The following ARHGAP17 variants were observed in gnomAD, a reference collection of about 807,000 sequenced individuals.
The protein encoded by ARHGAP17 is rho GTPase-activating protein 17.
ARHGAP17 carries 57 observed loss-of-function variants against 99.5 expected under a neutral mutation model. The ratio of observed to expected loss-of-function variants is 0.57; its 90% confidence interval spans 0.46 to 0.71. The LOEUF (loss-of-function observed/expected upper bound fraction) is 0.71. ARHGAP17 is among the 30% of genes least tolerant of loss of function. The pLI is 0.00. For synonymous variants in ARHGAP17, 417 were observed against 429.6 expected (o/e 0.97, Z 0.36); for missense variants, 1,000 against 1,122.4 (o/e 0.89, Z 1.56).
At chr16:24,920,527 GA>G in intron 19 of ARHGAP17, 1 of 362,124 alleles carries the variant, frequency 2.8e-6, no homozygotes, top group South Asian at 3.1e-5. Flanking sequence ...GCTTTTAAAG[GA>G]TTTGCTTGCT....
At position 24,938,361 on chromosome 16, in the gene ARHGAP17, CA is replaced by C. The variant is rs372920876; in HGVS notation, c.1724+1002del. ...CCTAGGCGACAGAGTGGGACTGTCT[CA>C]AAAAAAAAAACCTCAAGTTCAAGGT... is the stretch of plus-strand genomic sequence containing the variant. On this transcript the variant is annotated intron_variant, in intron 17 of 19. Coordinates refer to ENST00000289968, the MANE Select transcript of ARHGAP17 (RefSeq NM_001006634.3). 2.4e-4 allele frequency among the ~76,000 whole-genome samples: 34 copies of C among 142,314 alleles called. No homozygotes were observed. In the East Asian group the frequency reaches 3.6e-3, roughly 15 times the overall value. 93.4% of individuals were successfully genotyped at this position (142,314 alleles called of 152,430 possible). A position where few individuals can be genotyped will look rare whatever the true frequency, so the allele number is the denominator to read the frequency against.
intron 7 of ARHGAP17, among the ~76,000 whole-genome samples, chr16:24,960,370 C>T (rs966783786): frequency 6.7e-6 from 1 of 149,940 alleles, no homozygotes; most frequent in South Asian, 2.1e-4. Context: ...CATGGTGAAA[C>T]CCCGTCTCTA....
intron 18 of ARHGAP17, among the ~76,000 whole-genome samples, chr16:24,932,542 C>T (rs1304189150): frequency 6.6e-6 from 1 of 152,080 alleles, no homozygotes; most frequent in East Asian, 1.9e-4. Flanking sequence ...GATCCCAAGC[C>T]ACCTTCTCCT....
At chr16:24,970,779 T>G in intron 3 of ARHGAP17, among the ~76,000 whole-genome samples, 199 bp from the exon 4 acceptor site, 1 of 152,222 alleles carries the variant, frequency 6.6e-6, no homozygotes, top group East Asian at 1.9e-4. Context: ...ATCTGTTGAC[T>G]AAAGAAAACA....
At chr16:24,958,663 C>T (rs1320906404) in intron 9 of ARHGAP17, among the ~76,000 whole-genome samples, 1 of 152,140 alleles carries the variant, frequency 6.6e-6, no homozygotes, top group Non-Finnish European at 1.5e-5. Flanking sequence ...AGGCACAAAG[C>T]CAGAACCTGT....
intron 18 of ARHGAP17, among the ~76,000 whole-genome samples, chr16:24,933,134 C>T (rs1330479770): frequency 1.3e-5 from 2 of 152,022 alleles, no homozygotes; most frequent in Non-Finnish European, 2.9e-5. Context: ...GACATGTGGA[C>T]TCCCTGAATG....
At chr16:25,015,012 G>A (rs915238461) in intron 1 of ARHGAP17, among the ~76,000 whole-genome samples, 197 bp downstream of exon 1, 1 of 151,528 alleles carries the variant, frequency 6.6e-6, no homozygotes, top group East Asian at 1.9e-4. Context: ...GCGGCGCTGA[G>A]AGACAGGCGG....
At position 24,927,027 on chromosome 16, in the gene ARHGAP17, T is replaced by G. The variant is rs555105297; in HGVS notation, c.2515+3757A>C. Among the ~76,000 whole-genome samples the G allele has an allele frequency of 5.3e-5, 8 of 152,160 alleles. No individual in the cohort carries two copies. The South Asian group carries it at 1.7e-3, about 32-fold the overall frequency. On this transcript the variant is annotated intron_variant, in intron 19 of 19. Transcript: ENST00000289968. Reference sequence around the variant, plus strand: ...GGCTCACACCTATAATCCCAGCACTTTGGGAGGCTGAGGAGGCCGGATCAC... The same window carrying G: ...GGCTCACACCTATAATCCCAGCACTGTGGGAGGCTGAGGAGGCCGGATCAC...
rs768553997 is a variant in ARHGAP17 at position 24,930,930 on chromosome 16, T to C, written c.2369A>G (p.His790Arg). The part of the protein sequence containing the change: ...AGGNPETAQP[H>R]AGTLPRPRPV... ...TCTCGGTCTCGGTAAGGTTCCAGCATGTGGCTGTGCAGTTTCAGGGTTACC... is the reference window on the plus strand; with the variant it reads ...TCTCGGTCTCGGTAAGGTTCCAGCACGTGGCTGTGCAGTTTCAGGGTTACC... Residue 790 changes from histidine (H) to arginine (R), a missense_variant, in exon 19 of 20, where the codon CAT (histidine) becomes CGT (arginine). By Grantham distance (29) the His-to-Arg change is conservative (BLOSUM62 0). This residue lies in a region of ARHGAP17 where 528 missense variants were observed against 511.4 expected (regional missense o/e 1.03). Coordinates refer to ENST00000289968, the MANE Select transcript of ARHGAP17 (RefSeq NM_001006634.3). The C allele has an allele frequency of 4.1e-5, 66 of 1,613,748 alleles. No individual in the cohort carries two copies. Among genetic ancestry groups the C allele is most frequent in the Non-Finnish European group, 5.4e-5 (64 of 1,179,932 alleles).
chr16:24,994,146 C>T (rs180754116), intron 1 of ARHGAP17, among the ~76,000 whole-genome samples: 40 of 152,152 alleles, frequency 2.6e-4, no homozygotes, highest in African/African-American at 8.7e-4. Flanking sequence ...AAAGTCAGGG[C>T]GAGGCAGTTT....
chr16:24,979,046 A>T, intron 1 of ARHGAP17, 41 bp from the exon 2 acceptor site: 1 of 1,397,552 alleles, frequency 7.2e-7, no homozygotes, highest in Admixed American at 2.2e-5. Flanking sequence ...AAATCCAAAA[A>T]TGAAAGGCAA....
intron 3 of ARHGAP17, among the ~76,000 whole-genome samples, chr16:24,972,847 G>A (rs982039683): frequency 3.9e-5 from 6 of 152,112 alleles, no homozygotes; most frequent in African/African-American, 1.4e-4. Flanking sequence ...CTTAACATAT[G>A]GGCTCATTAA....
intron 7 of ARHGAP17, among the ~76,000 whole-genome samples, chr16:24,960,741 C>T (rs1477417223): frequency 4.2e-5 from 6 of 142,804 alleles, no homozygotes; most frequent in Admixed American, 7.1e-5. Context: ...GGTGTGAACC[C>T]GGGAGGCAGA....
At chr16:24,975,142 G>A (rs1273489306) in intron 3 of ARHGAP17, among the ~76,000 whole-genome samples, 2 of 152,194 alleles carry the variant, frequency 1.3e-5, no homozygotes, top group South Asian at 2.1e-4. Flanking sequence ...AACAGAGTGA[G>A]ACCCTGTCTT....
At chr16:24,984,860 T>C (rs1382352031) in intron 1 of ARHGAP17, among the ~76,000 whole-genome samples, 1 of 152,006 alleles carries the variant, frequency 6.6e-6, no homozygotes, top group Non-Finnish European at 1.5e-5. Flanking sequence ...GTTAATCTTT[T>C]TATAAAATGG....
At chr16:24,935,249 C>CATTTCTGCAGAACTGACTG (rs1267740665) in intron 18 of ARHGAP17, among the ~76,000 whole-genome samples, 1 of 152,190 alleles carries the variant, frequency 6.6e-6, no homozygotes, top group African/African-American at 2.4e-5. Flanking sequence ...GTTTGTTAAG[C>CATTTCTGCAGAACTGACTG]TTTGTCACGC....
At chr16:25,012,073 G>A (rs987103819) in intron 1 of ARHGAP17, among the ~76,000 whole-genome samples, 4 of 152,112 alleles carry the variant, frequency 2.6e-5, no homozygotes, top group South Asian at 2.1e-4. Context: ...AACCATGCCC[G>A]TATTCACCTT....
At chr16:24,941,212 G>A (rs866764425) in intron 16 of ARHGAP17, among the ~76,000 whole-genome samples, 1 of 152,140 alleles carries the variant, frequency 6.6e-6, no homozygotes, top group Admixed American at 6.5e-5. Flanking sequence ...ATAAGAGCTT[G>A]TCACTTCGTT....
chr16:24,951,042 T>G (rs1383848728), intron 12 of ARHGAP17, among the ~76,000 whole-genome samples: 1 of 151,732 alleles, frequency 6.6e-6, no homozygotes, highest in South Asian at 2.1e-4. Context: ...CTTCCCTTAG[T>G]GGTGAGGAGT....
Sources: allele counts gnomAD v4.1 joint callset (sites outside exome capture counted in the v4.1 genomes callset), GRCh38; gene constraint gnomAD v4.1.1; regional missense constraint gnomAD v4.1.1; transcripts MANE v1.5; gene names NCBI Gene and HGNC (gene_info 2026-07-23, HGNC 2026-07-21).